Variants in TRPM3 observed in about 807,000 individuals in gnomAD.
TRPM3 encodes transient receptor potential cation channel subfamily M member 3, also known as long transient receptor potential channel 3.
A neutral mutation model predicts 181.2 loss-of-function variants in TRPM3; 77 were observed. That is an observed-to-expected ratio of 0.42 (90% CI 0.35 to 0.51). TRPM3 has a LOEUF of 0.51. Among genes scored for constraint, TRPM3 ranks in the 20% least tolerant of loss-of-function variants. The pLI is 0.01. For missense variants in TRPM3, 1,759 were observed against 2,196.7 expected (o/e 0.80, Z 3.98); for synonymous variants, 745 against 796.4 (o/e 0.94, Z 1.09).
intron 1 of TRPM3, among the ~76,000 whole-genome samples, chr9:71,322,428 A>C (rs1005661398): frequency 2.6e-5 from 4 of 152,168 alleles, no homozygotes; most frequent in Non-Finnish European, 4.4e-5. Flanking sequence ...GTCATTAAGC[A>C]TCTTTATATC....
At chr9:71,373,143 T>C (rs113736692) in intron 1 of TRPM3, among the ~76,000 whole-genome samples, 1 of 152,140 alleles carries the variant, frequency 6.6e-6, no homozygotes, top group Non-Finnish European at 1.5e-5. Context: ...GGGAAATTTA[T>C]AGCACTACAT....
chr9:70,943,649 A>G (rs187600347), intron 1 of TRPM3, among the ~76,000 whole-genome samples: 105 of 152,344 alleles, frequency 6.9e-4, no homozygotes, highest in African/African-American at 2.5e-3. Context: ...CTCTCACTTT[A>G]TGAAACTCAA....
intron 1 of TRPM3, among the ~76,000 whole-genome samples, chr9:71,369,452 T>G (rs2132785507): frequency 6.6e-6 from 1 of 152,288 alleles, no homozygotes; most frequent in South Asian, 2.1e-4. Flanking sequence ...TAAACCTATA[T>G]CTAGGTGTGT....
In TRPM3 at chr9:71,145,916, TAA is replaced by T. The variant is rs67659317; in HGVS notation, c.184-281407_184-281406del. Among the ~76,000 whole-genome samples, 93 of 150,254 alleles carry T rather than the reference TAA, an allele frequency of 6.2e-4. 1 individual carries two copies. Among genetic ancestry groups the T allele is most frequent in the Admixed American group, 8.6e-4 (13 of 15,082 alleles). On this transcript the variant is annotated intron_variant, in intron 1 of 24. Transcript: ENST00000357533. The stretch of plus-strand genomic sequence containing the variant: ...CATTTTTCAGCTCATCAAGTTTGGT[TAA>T]AAAAAAAAAATTCTAAAGAACTAAG...
chr9:70,597,419 G>A (rs2059213753), intron 21 of TRPM3, among the ~76,000 whole-genome samples: 4 of 152,214 alleles, frequency 2.6e-5, no homozygotes, highest in South Asian at 4.1e-4. Flanking sequence ...TAGGACAGAT[G>A]TACTTAGCTT....
intron 1 of TRPM3, among the ~76,000 whole-genome samples, chr9:71,208,373 A>G (rs889691367): frequency 6.6e-6 from 1 of 152,188 alleles, no homozygotes; most frequent in Non-Finnish European, 1.5e-5. Context: ...TAGGTACTGA[A>G]AAGTATTTGA....
chr9:71,116,326 T>C (rs908521891), intron 1 of TRPM3, among the ~76,000 whole-genome samples: 1 of 152,192 alleles, frequency 6.6e-6, no homozygotes, highest in East Asian at 1.9e-4. Context: ...TCATTCTACC[T>C]CCTTTGTAAA....
intron 6 of TRPM3, among the ~76,000 whole-genome samples, chr9:70,787,599 A>G (rs1404125002): frequency 6.6e-6 from 1 of 152,140 alleles, no homozygotes; most frequent in African/African-American, 2.4e-5. Flanking sequence ...TGGCAAAAGA[A>G]AATGACATCA....
chr9:70,698,194 C>T (rs971134344), intron 8 of TRPM3, among the ~76,000 whole-genome samples: 2 of 139,858 alleles, frequency 1.4e-5, no homozygotes, highest in African/African-American at 5.3e-5. Flanking sequence ...GGTGACAGAG[C>T]GAGACTCTGT....
At chr9:71,172,559 AC>A (rs1334599599) in intron 1 of TRPM3, among the ~76,000 whole-genome samples, 1 of 152,066 alleles carries the variant, frequency 6.6e-6, no homozygotes, top group Non-Finnish European at 1.5e-5. Context: ...AGCGAGTACC[AC>A]CATGCCTGGC....
At chr9:71,028,144 G>A (rs2056816865) in intron 1 of TRPM3, among the ~76,000 whole-genome samples, 1 of 152,154 alleles carries the variant, frequency 6.6e-6, no homozygotes, top group Admixed American at 6.5e-5. Context: ...AGCCAGAAGA[G>A]ACTGGGGGCC....
chr9:71,399,521 C>CTTTTTT (rs1415739241), intron 1 of TRPM3, among the ~76,000 whole-genome samples: 24 of 107,504 alleles, frequency 2.2e-4, no homozygotes, highest in East Asian at 2.8e-4. Context: ...CTTATATTTT[C>CTTTTTT]TTTTGTTTTT....
intron 1 of TRPM3, among the ~76,000 whole-genome samples, chr9:70,885,906 G>T (rs1201348676): frequency 6.6e-6 from 1 of 152,028 alleles, no homozygotes; most frequent in Non-Finnish European, 1.5e-5. Context: ...AGCACAAATT[G>T]CCCTTAATAA....
chr9:71,220,816 A>C (rs949121889), intron 1 of TRPM3, among the ~76,000 whole-genome samples: 3 of 152,120 alleles, frequency 2.0e-5, no homozygotes, highest in Non-Finnish European at 2.9e-5. Flanking sequence ...CTCCCAAGGA[A>C]AAAGCTGACC....
intron 1 of TRPM3, among the ~76,000 whole-genome samples, chr9:71,248,476 C>T (rs1488565489): frequency 1.3e-5 from 2 of 152,188 alleles, no homozygotes; most frequent in Admixed American, 6.5e-5. Context: ...GAAGCGAAGA[C>T]AGAAAGGATA....
At chr9:70,692,593 A>C (rs2068926447) in intron 8 of TRPM3, among the ~76,000 whole-genome samples, 2 of 152,304 alleles carry the variant, frequency 1.3e-5, no homozygotes, top group South Asian at 4.1e-4. Flanking sequence ...ATATGTTGAG[A>C]ATGTAGCCTT....
At chr9:71,056,973 G>A (rs1185938168) in intron 1 of TRPM3, among the ~76,000 whole-genome samples, 4 of 152,034 alleles carry the variant, frequency 2.6e-5, no homozygotes, top group Non-Finnish European at 5.9e-5. Flanking sequence ...GAGAGGAAAT[G>A]TTTTGGGGGC....
chr9:70,950,094 T>C (rs2096982099), intron 1 of TRPM3, among the ~76,000 whole-genome samples: 3 of 152,208 alleles, frequency 2.0e-5, no homozygotes, highest in Admixed American at 2.0e-4. Context: ...CCCTTCACAG[T>C]CATGATATTT....
chr9:71,007,988 T>C (rs1813896650), intron 1 of TRPM3, among the ~76,000 whole-genome samples: 1 of 151,692 alleles, frequency 6.6e-6, no homozygotes, highest in Non-Finnish European at 1.5e-5. Context: ...AAACGAAGAG[T>C]GCATTTTTTG....
Sources: gnomAD v4.1 joint callset for allele counts (sites outside exome capture counted in the v4.1 genomes callset) on GRCh38, gnomAD v4.1.1 for gene constraint, MANE v1.5 for transcripts, NCBI Gene and HGNC (gene_info 2026-07-23, HGNC 2026-07-21) for gene names.